COL5A1: variants seen among roughly 807,000 people sequenced by gnomAD.
COL5A1 encodes the protein collagen alpha-1(V) chain.
In COL5A1, 16 loss-of-function variants were observed where a neutral mutation model predicts 263.7. The ratio of observed to expected loss-of-function variants is 0.06; its 90% CI spans 0.04 to 0.09. The LOEUF (loss-of-function observed/expected upper bound fraction) is 0.09, where lower values mean the gene tolerates loss of function less well. COL5A1 is among the 10% of genes least tolerant of loss of function. COL5A1 has a pLI of 1.00. For synonymous variants in COL5A1, 1,012 were observed against 1,004.5 expected (o/e 1.01, Z -0.14); for missense variants, 2,036 against 2,540.5 (o/e 0.80, Z 4.27).
intron 19 of COL5A1, among the ~76,000 whole-genome samples, chr9:134,762,318 C>G (rs1306521575): frequency 6.6e-6 from 1 of 152,222 alleles, no homozygotes; most frequent in Non-Finnish European, 1.5e-5. Flanking sequence ...AGCTCAGCGT[C>G]TCTGCTTATC....
intron 1 of COL5A1, among the ~76,000 whole-genome samples, chr9:134,665,239 G>C (rs974234554): frequency 1.3e-5 from 2 of 152,144 alleles, no homozygotes; most frequent in East Asian, 3.9e-4. Flanking sequence ...CATACTCTTT[G>C]ACCAGCATCT....
At chr9:134,785,729 C>T (rs1193464864) in intron 30 of COL5A1, among the ~76,000 whole-genome samples, 1 of 152,238 alleles carries the variant, frequency 6.6e-6, no homozygotes, top group African/African-American at 2.4e-5. Context: ...AATCGCTTTG[C>T]TCCACAGTGG....
At chr9:134,695,401 C>G (rs1401757118) in intron 2 of COL5A1, among the ~76,000 whole-genome samples, 3 of 152,210 alleles carry the variant, frequency 2.0e-5, no homozygotes, top group African/African-American at 7.2e-5. Context: ...AAGGGAGCAG[C>G]CAGTTGCGCT....
intron 59 of COL5A1, among the ~76,000 whole-genome samples, chr9:134,822,403 A>G (rs907358982): frequency 2.6e-5 from 4 of 152,170 alleles, no homozygotes; most frequent in African/African-American, 9.7e-5. Flanking sequence ...TCAGGGAACG[A>G]GGCCACTTGT....
chr9:134,756,239 G>A (rs570515766), intron 16 of COL5A1, among the ~76,000 whole-genome samples: 9 of 152,326 alleles, frequency 5.9e-5, no homozygotes, highest in African/African-American at 2.2e-4. Context: ...TGCAGATGCT[G>A]CCTCCCGTCG....
intron 64 of COL5A1, among the ~76,000 whole-genome samples, chr9:134,831,024 T>C (rs993914014): frequency 6.6e-6 from 1 of 152,206 alleles, no homozygotes; most frequent in South Asian, 2.1e-4. Context: ...CCCTCCCTTC[T>C]TGGGATCCAG....
intron 64 of COL5A1, among the ~76,000 whole-genome samples, chr9:134,831,800 G>A (rs559752356): frequency 1.8e-4 from 28 of 152,326 alleles, no homozygotes; most frequent in East Asian, 3.9e-4. Context: ...CCTTCAGCCC[G>A]AGTAGCCCAT....
In COL5A1 at chr9:134,817,798, C is replaced by T. The variant is rs1397888531; in HGVS notation, c.4197C>T (p.Gly1399=). The T allele has an allele frequency of 1.9e-6, 3 of 1,612,016 alleles. No homozygotes were observed. The highest frequency in any genetic ancestry group is 2.5e-6 in the Non-Finnish European group (3 of 1,179,064). The change falls in exon 54 of 66, where the codon GGC becomes GGT. Residue 1399 remains glycine (G), a synonymous_variant. Coordinates refer to ENST00000371817, the MANE Select transcript of COL5A1 (RefSeq NM_000093.5). ...PGKRGPPGPA[G]PEGRQGEKGA... ...TTCAGGGTCCCCCAGGCCCCGCAGG[C>T]CCCGAAGGCAGACAGGGAGAGAAAG... is the stretch of plus-strand genomic sequence containing the variant.
chr9:134,698,918 C>T (rs1255102312), intron 2 of COL5A1, among the ~76,000 whole-genome samples: 1 of 152,226 alleles, frequency 6.6e-6, no homozygotes, highest in Non-Finnish European at 1.5e-5. Context: ...GCAGCAGGTC[C>T]TGGGCCCCCC....
In COL5A1 at chr9:134,738,737, T is replaced by G; in HGVS notation, c.1432-9T>G. ...CTTCTAACTGCCCCAACTTTATTTT[T>G]AATTCTAGGGTCTTCCCGGACCTCC... is the stretch of plus-strand genomic sequence containing the variant. On this transcript the variant is annotated splice_polypyrimidine_tract_variant and intron_variant, in intron 10 of 65. Transcript: ENST00000371817. 1 of 1,611,934 alleles carries G rather than the reference T, an allele frequency of 6.2e-7. No individual in the cohort carries two copies. Among genetic ancestry groups the G allele is most frequent in the African/African-American group, 1.3e-5 (1 of 74,940 alleles).
rs1060504528 is a variant in COL5A1 at position 134,730,430 on chromosome 9, G to A, written c.1119G>A (p.Gly373=). ...ACCAGCCCACAGACCCAGGCGCTGG[G>A]GCCGAAATTCCCACCAGCACCGCCG... is the stretch of plus-strand genomic sequence containing the variant. ...NPDQPTDPGA[G]AEIPTSTADT... Residue 373 remains glycine (G), a synonymous_variant, in exon 7 of 66, where the codon GGG becomes GGA. Coordinates refer to ENST00000371817, the MANE Select transcript of COL5A1 (RefSeq NM_000093.5). 12 of 1,614,036 alleles carry A rather than the reference G, an allele frequency of 7.4e-6. No individual in the cohort carries two copies. In the Admixed American group the frequency reaches 1.5e-4, roughly 20 times the overall value.
At chr9:134,723,219 GCTGTCCTGAGGCACCA>G (rs933671014) in intron 4 of COL5A1, among the ~76,000 whole-genome samples, 6 of 152,170 alleles carry the variant, frequency 3.9e-5, no homozygotes, top group African/African-American at 1.4e-4. Context: ...TTCCTGCACC[GCTGTCCTGAGGCACCA>G]CTGTCCTGAG....
chr9:134,671,095 G>A (rs114724686), intron 1 of COL5A1, among the ~76,000 whole-genome samples: 103 of 141,068 alleles, frequency 7.3e-4, no homozygotes, highest in African/African-American at 2.9e-3. Flanking sequence ...GATTCTTGCA[G>A]ATGGATTTTT....
At chr9:134,802,063 G>A in intron 38 of COL5A1, 56 bp downstream of exon 38, 1 of 1,554,716 alleles carries the variant, frequency 6.4e-7, no homozygotes, top group South Asian at 1.1e-5. Flanking sequence ...TGCCCACAGG[G>A]AAGAGGGTCC....
At chr9:134,730,102 C>G in intron 6 of COL5A1, 134 bp from the exon 7 acceptor site, 1 of 1,348,852 alleles carries the variant, frequency 7.4e-7, no homozygotes. Flanking sequence ...CAAGAGGTCT[C>G]TGGGCCTCTT....
chr9:134,760,771 AC>A lies in COL5A1; in HGVS notation c.1936-1152del, dbSNP rs1418567110. On this transcript the variant is annotated intron_variant, in intron 18 of 65. Transcript: ENST00000371817. ...ACACACACCCCACACATACACGAAC[AC>A]CACCTACACATGCACACACACGCAT... Among the ~76,000 whole-genome samples the A allele has an allele frequency of 7.0e-4, 93 of 132,650 alleles. 1 individual carries two copies. Among genetic ancestry groups the A allele is most frequent in the African/African-American group, 2.5e-3 (83 of 33,678 alleles). 87.0% of individuals were successfully genotyped at this position (132,650 alleles called of 152,430 possible).
In COL5A1 at chr9:134,761,921, C is replaced by T; in HGVS notation, c.1936-4C>T. ...AGGCTGACGTTGACCCTTTCACTTC[C>T]TAGGGTGACCCTGGTCCTTCCGGCC... On this transcript the variant is annotated splice_polypyrimidine_tract_variant and splice_region_variant and intron_variant, in intron 18 of 65. Transcript: ENST00000371817. 3 of 1,613,182 alleles carry T rather than the reference C, an allele frequency of 1.9e-6. No individual in the cohort carries two copies. The highest frequency in any genetic ancestry group is 2.5e-6 in the Non-Finnish European group (3 of 1,179,774).
rs576737840 is a variant in COL5A1, at chr9:134,682,131, G to A, written c.110-8781G>A. On this transcript the variant is annotated intron_variant, in intron 1 of 65. Transcript: ENST00000371817. The surrounding 1 kb of genome is among the most constrained non-coding windows in gnomAD (Gnocchi z 5.1). Reference sequence around the variant, plus strand: ...GGGACCGTGGTGCTGAGTGTTTGGCGGTGACCTCTGGAGGACGGGCCGGGG... The same window carrying A: ...GGGACCGTGGTGCTGAGTGTTTGGCAGTGACCTCTGGAGGACGGGCCGGGG... Among the ~76,000 whole-genome samples the A allele has an allele frequency of 2.4e-3, 367 of 152,330 alleles. 2 individuals are homozygous for A. The highest frequency in any genetic ancestry group is 2.4e-3 in the Non-Finnish European group (161 of 68,026).
At chr9:134,746,774 A>G (rs1339955752) in intron 11 of COL5A1, among the ~76,000 whole-genome samples, 1 of 152,224 alleles carries the variant, frequency 6.6e-6, no homozygotes, top group Non-Finnish European at 1.5e-5. Context: ...AATACATGCA[A>G]ATAGCAAAGG....
Sources: allele counts gnomAD v4.1 joint callset (sites outside exome capture counted in the v4.1 genomes callset), GRCh38; gene constraint gnomAD v4.1.1; non-coding constraint Gnocchi (gnomAD v3.1); transcripts MANE v1.5; gene names NCBI Gene and HGNC (gene_info 2026-07-23, HGNC 2026-07-21).